KDR: variants seen among roughly 807,000 people sequenced by gnomAD.
KDR encodes kinase insert domain receptor, also known as vascular endothelial growth factor receptor 2.
In KDR, 43 loss-of-function variants were observed where a neutral mutation model predicts 160.9. The ratio of observed to expected loss-of-function variants is 0.27; its 90% confidence interval spans 0.21 to 0.34. The LOEUF is 0.34. Ranked by LOEUF, KDR falls within the 10% of genes least tolerant of loss-of-function variation. The pLI is 1.00. For synonymous variants in KDR, 617 were observed against 600.1 expected (o/e 1.03, Z -0.41); for missense variants, 1,469 against 1,666.4 (o/e 0.88, Z 2.06).
intron 1 of KDR, 33 bp from the exon 2 acceptor site, chr4:55,121,223 C>A: frequency 6.6e-7 from 1 of 1,513,188 alleles, no homozygotes; most frequent in Non-Finnish European, 9.2e-7. Context: ...AATGTAGTTG[C>A]CACTGAGTTA....
In KDR at chr4:55,087,776, G is replaced by C. The variant is rs1178948503; in HGVS notation, c.3511-18C>G. The C allele has an allele frequency of 6.2e-7, 1 of 1,613,724 alleles. No individual in the cohort carries two copies. Among genetic ancestry groups the C allele is most frequent in the African/African-American group, 1.3e-5 (1 of 75,050 alleles). ...TTGCCATCCTGAAACAATAAACACA[G>C]AAGACTGTTGTTATGGCTTCAGTTC... is the stretch of plus-strand genomic sequence containing the variant. On this transcript the variant is annotated intron_variant, in intron 26 of 29. Coordinates refer to ENST00000263923, the MANE Select transcript of KDR (RefSeq NM_002253.4).
intron 29 of KDR, among the ~76,000 whole-genome samples, chr4:55,081,219 A>G (rs1401771416): frequency 6.6e-6 from 1 of 152,096 alleles, no homozygotes; most frequent in Non-Finnish European, 1.5e-5. Flanking sequence ...TGGTATGAGC[A>G]TTATTCAAAA....
intron 12 of KDR, among the ~76,000 whole-genome samples, chr4:55,105,318 CAAT>C (rs1411500545): frequency 1.3e-5 from 2 of 152,220 alleles, no homozygotes; most frequent in African/African-American, 4.8e-5. Flanking sequence ...CACTAACACT[CAAT>C]GATATGAAAG....
chr4:55,113,576 A>G, intron 6 of KDR, 95 bp from the exon 7 acceptor site: 1 of 1,102,548 alleles, frequency 9.1e-7, no homozygotes, highest in Admixed American at 1.9e-5. Flanking sequence ...GGCTTTGGTA[A>G]ACATTATTTA....
intron 11 of KDR, 147 bp downstream of exon 11, chr4:55,106,540 G>A: frequency 5.9e-6 from 4 of 672,412 alleles, no homozygotes; most frequent in Non-Finnish European, 7.9e-6. Context: ...ACTGCTAAAA[G>A]TCAATGGTAT....
At position 55,090,031 on chromosome 4, in the gene KDR, C is replaced by T. The variant is rs747938782; in HGVS notation, c.3117G>A (p.Lys1039=). ...CAAAGTCACAGATTTTAACCACGTT[C>T]TTCTCCGATAAGAGGATATTTCGTG... ...LAARNILLSE[K]NVVKICDFGL... Residue 1039 remains lysine (K), a synonymous_variant, in exon 23 of 30, where the codon AAG becomes AAA. Coordinates refer to ENST00000263923, the MANE Select transcript of KDR (RefSeq NM_002253.4). 1.3e-5 allele frequency: 21 copies of T among 1,613,980 alleles called. No homozygotes were observed. The Admixed American group carries it at 3.0e-4, about 23-fold the overall frequency.
chr4:55,095,027 A>C (rs938765464), intron 20 of KDR, 72 bp from the exon 21 acceptor site: 1 of 1,416,352 alleles, frequency 7.1e-7, no homozygotes, highest in African/African-American at 1.4e-5. Flanking sequence ...CAACCTTTAA[A>C]ATGTAGTAAA....
rs1719662304 is a variant in KDR, at chr4:55,079,246, C to T, written c.*695G>A. 4.3e-6 allele frequency: 1 copy of T among 233,680 alleles called. No homozygotes were observed. Among genetic ancestry groups the T allele is most frequent in the Non-Finnish European group, 8.4e-6 (1 of 118,500 alleles). The allele number at this position is 233,680 out of a possible 1,614,324, so 14.5% of individuals were successfully genotyped here. On this transcript the variant is annotated 3_prime_UTR_variant, in exon 30 of 30. Coordinates refer to ENST00000263923, the MANE Select transcript of KDR (RefSeq NM_002253.4). ...GAGACACGTAACGGTCTGGAAGGAA[C>T]TCTCATTAGGAGTCAGAAACAGCAC...
In KDR at chr4:55,115,286, A is replaced by T; in HGVS notation, c.484T>A (p.Cys162Ser). The T allele has an allele frequency of 6.2e-7, 1 of 1,611,998 alleles. No individual in the cohort carries two copies. Among genetic ancestry groups the T allele is most frequent in the Non-Finnish European group, 8.5e-7 (1 of 1,178,082 alleles). Residue 162 changes from cysteine to serine, a missense_variant, in exon 4 of 30, where the codon TGT (cysteine) becomes AGT (serine). Cys to Ser is a moderately radical substitution (Grantham distance 112, BLOSUM62 -1). Coordinates refer to ENST00000263923, the MANE Select transcript of KDR (RefSeq NM_002253.4). Reference protein sequence around the residue: ...GSISNLNVSLCARYPEKRFVP... With the variant: ...GSISNLNVSLSARYPEKRFVP... ...TTGGAGGAGATGCAACTTACTGCAC[A>T]AAGTGACACGTTGAGATTTGAAATG...
chr4:55,092,418 A>T (rs1720041463), intron 22 of KDR, 199 bp downstream of exon 22: 1 of 595,386 alleles, frequency 1.7e-6, no homozygotes, highest in Admixed American at 2.4e-5. Context: ...ACAAGCCTTT[A>T]TTATACAGCT....
chr4:55,099,656 C>A (rs530486115), intron 15 of KDR, among the ~76,000 whole-genome samples: 3 of 152,302 alleles, frequency 2.0e-5, no homozygotes, highest in East Asian at 3.9e-4. Flanking sequence ...CATGTATCTA[C>A]TATGCACTCA....
At chr4:55,110,235 A>G (rs1381868137) in intron 9 of KDR, among the ~76,000 whole-genome samples, 168 bp downstream of exon 9, 2 of 152,192 alleles carry the variant, frequency 1.3e-5, no homozygotes, top group East Asian at 1.9e-4. Flanking sequence ...GCCAGAGCAC[A>G]TGGTCCTACG....
chr4:55,090,849 CT>C (rs61138010), intron 22 of KDR, among the ~76,000 whole-genome samples: 6,329 of 83,996 alleles, frequency 0.075, 50 homozygotes, highest in South Asian at 0.086. Flanking sequence ...TAGAAGAAAA[CT>C]TTTTTTTTTT....
At chr4:55,088,667 G>A (rs771364093) in intron 26 of KDR, among the ~76,000 whole-genome samples, 3 of 152,226 alleles carry the variant, frequency 2.0e-5, no homozygotes, top group South Asian at 2.1e-4. Context: ...GTCTGCTCCC[G>A]GGTTATAAAT....
chr4:55,108,458 C>T (rs1720496138), intron 9 of KDR, among the ~76,000 whole-genome samples: 1 of 152,126 alleles, frequency 6.6e-6, no homozygotes, highest in African/African-American at 2.4e-5. Context: ...AATTCATTCA[C>T]TTAATCCTCA....
intron 3 of KDR, among the ~76,000 whole-genome samples, chr4:55,118,176 T>C (rs1255278623): frequency 1.3e-5 from 2 of 152,214 alleles, no homozygotes; most frequent in Non-Finnish European, 2.9e-5. Context: ...CCAGAGCCCT[T>C]GGCAAAAAAT....
chr4:55,094,740 C>T (rs1720105274), intron 21 of KDR, 62 bp downstream of exon 21: 2 of 1,474,644 alleles, frequency 1.4e-6, no homozygotes, highest in South Asian at 1.1e-5. Context: ...CTTGTAACAC[C>T]CTATCACCCT....
At chr4:55,110,040 G>A (rs1016924701) in intron 9 of KDR, among the ~76,000 whole-genome samples, 8 of 152,300 alleles carry the variant, frequency 5.3e-5, no homozygotes, top group Middle Eastern at 3.4e-3. Flanking sequence ...AAGGAGAAGG[G>A]TCTTACACAT....
rs948641047 is a variant in KDR, at chr4:55,078,666, T to G, written c.*1275A>C. 2 of 232,716 alleles carry G rather than the reference T, an allele frequency of 8.6e-6. No individual in the cohort carries two copies. Among genetic ancestry groups the G allele is most frequent in the East Asian group, 1.2e-4 (2 of 16,470 alleles). The allele number at this position is 232,716 out of a possible 1,614,324, so 14.4% of individuals were successfully genotyped here. Reference sequence around the variant, plus strand: ...AATATATGTGCCATAGCATGTCTTATAGTCATTGTTCCCAGCATTTCACAC... The same window carrying G: ...AATATATGTGCCATAGCATGTCTTAGAGTCATTGTTCCCAGCATTTCACAC... On this transcript the variant is annotated 3_prime_UTR_variant, in exon 30 of 30. Transcript: ENST00000263923.
Sources: allele counts gnomAD v4.1 joint callset (sites outside exome capture counted in the v4.1 genomes callset), GRCh38; gene constraint gnomAD v4.1.1; transcripts MANE v1.5; gene names NCBI Gene and HGNC (gene_info 2026-07-23, HGNC 2026-07-21).